The following CD200R1L variants were observed in gnomAD, a reference collection of about 807,000 sequenced individuals.
The protein encoded by CD200R1L is cell surface glycoprotein CD200 receptor 2.
A neutral mutation model predicts 24.8 loss-of-function variants in CD200R1L; 14 were observed. That is an observed-to-expected ratio of 0.56 (90% CI 0.37 to 0.88). CD200R1L has a LOEUF of 0.88. CD200R1L is among the 40% of genes least tolerant of loss of function. The pLI, the probability that CD200R1L is intolerant of heterozygous loss-of-function variation, is 0.00. For missense variants in CD200R1L, 299 were observed against 297.8 expected (o/e 1.00, Z -0.03); for synonymous variants, 111 against 109.2 (o/e 1.02, Z -0.11).
At chr3:112,845,241 G>A (rs1042048513) in intron 2 of CD200R1L, among the ~76,000 whole-genome samples, 8 of 152,082 alleles carry the variant, frequency 5.3e-5, no homozygotes, top group African/African-American at 1.7e-4. Flanking sequence ...AAATGTCCTC[G>A]GAGACTATTA....
intron 4 of CD200R1L, among the ~76,000 whole-genome samples, chr3:112,828,270 G>C (rs1195191927): frequency 6.6e-6 from 1 of 152,180 alleles, no homozygotes. Context: ...CGGCATTCAA[G>C]TGGAGCTAGC....
chr3:112,818,107 C>T (rs988103321), intron 7 of CD200R1L, among the ~76,000 whole-genome samples: 4 of 152,184 alleles, frequency 2.6e-5, no homozygotes, highest in Admixed American at 2.6e-4. Flanking sequence ...CTGGGAGATA[C>T]AATTCAAGTT....
Position 112,846,827 on chromosome 3 carries a change from A to G in CD200R1L, c.-561T>C, listed in dbSNP as rs911789491. On this transcript the variant is annotated 5_prime_UTR_variant, in exon 1 of 8. Transcript: ENST00000488794. ...GGCGCATACACAGGAACACCATGTG[A>G]AGATAAAAGGCAGAGATCTGAGTGA... is the stretch of plus-strand genomic sequence containing the variant. 1 of 152,244 alleles carries G rather than the reference A, an allele frequency of 6.6e-6. No individual in the cohort carries two copies. The highest frequency in any genetic ancestry group is 2.4e-5 in the African/African-American group (1 of 41,466). The allele number at this position is 152,244 out of a possible 1,614,324, so 9.4% of individuals were successfully genotyped here. A position where few individuals can be genotyped will look rare whatever the true frequency, so the allele number is the denominator to read the frequency against.
In CD200R1L at chr3:112,827,655, T is replaced by C. The variant is rs1157984726; in HGVS notation, c.79A>G (p.Ile27Val). The stretch of plus-strand genomic sequence containing the variant: ...GGAGGGCAACAAAGCACAGCATTTA[T>C]ATCCATCAGTACAGGCTGTGAAATG... ...GNISQPVLMD[I>V]NAVLCCPPIA... Residue 27 changes from isoleucine to valine, a missense_variant, in exon 5 of 8, where the codon ATA becomes GTA. Coordinates refer to ENST00000488794, the MANE Select transcript of CD200R1L (RefSeq NM_001199215.3). 2 of 1,613,856 alleles carry C rather than the reference T, an allele frequency of 1.2e-6. No homozygotes were observed. The highest frequency in any genetic ancestry group is 1.7e-6 in the Non-Finnish European group (2 of 1,179,844).
chr3:112,844,303 C>A (rs1939147480), intron 2 of CD200R1L, among the ~76,000 whole-genome samples: 1 of 152,104 alleles, frequency 6.6e-6, no homozygotes, highest in South Asian at 2.1e-4. Flanking sequence ...AACCACAAAA[C>A]AAGTATCAAT....
rs560023880 is a variant in CD200R1L at position 112,819,758 on chromosome 3, T to C, written c.740+14A>G. On this transcript the variant is annotated intron_variant, in intron 7 of 7. Transcript: ENST00000488794. ...TTCTACTGTGTCTTATGCTTTTCAG[T>C]CTTCAGTTCCTACCTGACATGATTT... 132 of 1,584,276 alleles carry C rather than the reference T, an allele frequency of 8.3e-5. No individual in the cohort carries two copies. In the South Asian group the frequency reaches 1.4e-3, roughly 17 times the overall value.
intron 6 of CD200R1L, among the ~76,000 whole-genome samples, chr3:112,825,137 G>A (rs1452484341): frequency 6.6e-6 from 1 of 152,032 alleles, no homozygotes; most frequent in East Asian, 1.9e-4. Context: ...TACTCGGGAG[G>A]CTGAGGCAGG....
chr3:112,838,882 C>G (rs1939019896), intron 2 of CD200R1L, among the ~76,000 whole-genome samples: 1 of 152,046 alleles, frequency 6.6e-6, no homozygotes, highest in Non-Finnish European at 1.5e-5. Context: ...GCTGAAAGGC[C>G]TTAAGAGAAA....
At chr3:112,819,048 C>T (rs1025087348) in intron 7 of CD200R1L, among the ~76,000 whole-genome samples, 3 of 152,196 alleles carry the variant, frequency 2.0e-5, no homozygotes, top group Non-Finnish European at 4.4e-5. Context: ...GGAAGCAAGG[C>T]ATGTCTTACA....
chr3:112,842,488 G>T (rs1485808358), intron 2 of CD200R1L, among the ~76,000 whole-genome samples: 1 of 152,130 alleles, frequency 6.6e-6, no homozygotes, highest in Non-Finnish European at 1.5e-5. Context: ...TGAAATCAGT[G>T]CACCTTGAAA....
chr3:112,827,114 G>A lies in CD200R1L; in HGVS notation c.495C>T (p.Tyr165=). The A allele has an allele frequency of 6.2e-7, 1 of 1,613,504 alleles. No individual in the cohort carries two copies. Among genetic ancestry groups the A allele is most frequent in the Non-Finnish European group, 8.5e-7 (1 of 1,180,022 alleles). The change falls in exon 6 of 8, where the codon TAC becomes TAT. Residue 165 remains tyrosine (Y), a synonymous_variant. Transcript: ENST00000488794. ...EGSILATKQE[Y]WGNGTVTVKS... ...TAACCGTCACTGTGCCATTGCCCCAGTATTCTTGCTTAGTGGCAAGAATAG... is the reference window on the plus strand; with the variant it reads ...TAACCGTCACTGTGCCATTGCCCCAATATTCTTGCTTAGTGGCAAGAATAG...
intron 3 of CD200R1L, among the ~76,000 whole-genome samples, chr3:112,833,745 T>C (rs1938867207): frequency 6.6e-6 from 1 of 152,156 alleles, no homozygotes; most frequent in African/African-American, 2.4e-5. Flanking sequence ...AAGCCCTCCC[T>C]GTGTGTTCCC....
At chr3:112,828,475 G>A (rs1160450565) in intron 4 of CD200R1L, among the ~76,000 whole-genome samples, 2 of 152,104 alleles carry the variant, frequency 1.3e-5, no homozygotes, top group Non-Finnish European at 2.9e-5. Context: ...TTTTTAAAAA[G>A]CTTTATTTTC....
At position 112,827,186 on chromosome 3, in the gene CD200R1L, TG is replaced by T; in HGVS notation, c.422del (p.Ala141GlufsTer31). 1 of 1,613,682 alleles carries T rather than the reference TG, an allele frequency of 6.2e-7. No homozygotes were observed. ...QSRNITAVCK[A>X]VTGKPAAQIS... Reference sequence around the variant, plus strand: ...TCTGGGCAGCTGGCTTCCCTGTAACTGCCTTGCATACTGCAGTTATATTCCT... The same window carrying T: ...TCTGGGCAGCTGGCTTCCCTGTAACTCCTTGCATACTGCAGTTATATTCCT... On this transcript the variant is annotated frameshift_variant, in exon 6 of 8. Transcript: ENST00000488794. LOFTEE classifies it high-confidence loss of function.
intron 6 of CD200R1L, among the ~76,000 whole-genome samples, chr3:112,825,111 C>T (rs1239769267): frequency 7.2e-5 from 11 of 151,740 alleles, no homozygotes; most frequent in East Asian, 3.9e-4. Flanking sequence ...TGGTGGTGGG[C>T]GCCTGTAGTC....
chr3:112,838,047 A>G (rs1259953269), intron 2 of CD200R1L, 37 bp from the exon 3 acceptor site: 13 of 1,009,050 alleles, frequency 1.3e-5, no homozygotes, highest in African/African-American at 1.8e-5. Flanking sequence ...GGAGAAAATT[A>G]AGAACTTTTC....
Position 112,817,686 on chromosome 3 carries a change from T to G in CD200R1L, c.741-1711A>C, listed in dbSNP as rs943307322. 4.6e-5 allele frequency among the ~76,000 whole-genome samples: 7 copies of G among 152,240 alleles called. No individual in the cohort carries two copies. In the East Asian group the frequency reaches 1.3e-3, roughly 29 times the overall value. On this transcript the variant is annotated intron_variant, in intron 7 of 7. Transcript: ENST00000488794. ...TTTTTGTGGTGTGAATACACTGAGA[T>G]GTAGGGCCTGTTTGTTTCAGCAATT...
chr3:112,828,405 C>T (rs778712461), intron 4 of CD200R1L, among the ~76,000 whole-genome samples: 2 of 151,914 alleles, frequency 1.3e-5, no homozygotes, highest in Non-Finnish European at 2.9e-5. Flanking sequence ...AAAAAAAATG[C>T]CTAGTGATAA....
chr3:112,827,266 A>G, intron 5 of CD200R1L, 25 bp from the exon 6 acceptor site: 1 of 1,592,892 alleles, frequency 6.3e-7, no homozygotes, highest in Non-Finnish European at 8.5e-7. Flanking sequence ...GAGGGAAAAA[A>G]ATGCTTCAGT....
Sources: gnomAD v4.1 joint callset for allele counts (sites outside exome capture counted in the v4.1 genomes callset) on GRCh38, gnomAD v4.1.1 for gene constraint, MANE v1.5 for transcripts, NCBI Gene and HGNC (gene_info 2026-07-23, HGNC 2026-07-21) for gene names.